CCM2: variants seen among roughly 807,000 people sequenced by gnomAD.
CCM2 encodes the protein cerebral cavernous malformations 2 protein.
In CCM2, 25 loss-of-function variants were observed where a neutral mutation model predicts 44.9. The observed-to-expected ratio is 0.56, with a 90% CI of 0.41 to 0.78. The LOEUF is 0.78. Ranked by LOEUF, CCM2 falls within the 30% of genes least tolerant of loss-of-function variation. CCM2 has a pLI of 0.00. For missense variants in CCM2, 481 were observed against 580.6 expected (o/e 0.83, Z 1.76); for synonymous variants, 219 against 241.1 (o/e 0.91, Z 0.85).
chr7:45,007,133 T>C (rs1795878225), intron 1 of CCM2, among the ~76,000 whole-genome samples: 1 of 152,194 alleles, frequency 6.6e-6, no homozygotes, highest in Non-Finnish European at 1.5e-5. Context: ...GACGAGCTGC[T>C]CAGAGTGACA....
At chr7:45,014,912 A>G (rs1796206575) in intron 1 of CCM2, among the ~76,000 whole-genome samples, 1 of 152,194 alleles carries the variant, frequency 6.6e-6, no homozygotes, top group Non-Finnish European at 1.5e-5. Context: ...GTGAGCCACC[A>G]TGCCCGGCCA....
chr7:45,040,955 A>C (rs978972751), intron 2 of CCM2, among the ~76,000 whole-genome samples: 1 of 152,220 alleles, frequency 6.6e-6, no homozygotes, highest in African/African-American at 2.4e-5. Flanking sequence ...GCACCCCTGC[A>C]CTCCAGCCTA....
intron 1 of CCM2, among the ~76,000 whole-genome samples, chr7:45,032,832 GGAGTTT>G (rs1489032813): frequency 6.6e-6 from 1 of 152,034 alleles, no homozygotes; most frequent in African/African-American, 2.4e-5. Flanking sequence ...CCTGAGGCTG[GGAGTTT>G]GAGACCAGCC....
rs143595633 is a variant in CCM2 at position 45,069,594 on chromosome 7, T to TG, written c.610-231dup. On this transcript the variant is annotated intron_variant, in intron 5 of 9. Coordinates refer to ENST00000258781, the MANE Select transcript of CCM2 (RefSeq NM_031443.4). ...GTGCCCTGCACAGTCCCCTCACACT[T>TG]GCAATACCACCCCTGGGCCACATGG... 9.5e-3 allele frequency among the ~76,000 whole-genome samples: 1,449 copies of TG among 152,322 alleles called. 21 individuals are homozygous for TG. Among genetic ancestry groups the TG allele is most frequent in the African/African-American group, 0.033 (1,355 of 41,576 alleles).
Position 45,008,356 on chromosome 7 carries a change from C to CT in CCM2, c.30+8020dup, listed in dbSNP as rs59435094. Among the ~76,000 whole-genome samples, 304 of 114,744 alleles carry CT rather than the reference C, an allele frequency of 2.6e-3. 8 individuals carry two copies. Among genetic ancestry groups the CT allele is most frequent in the African/African-American group, 5.3e-3 (131 of 24,662 alleles). The allele number at this position is 114,744 out of a possible 152,430, so 75.3% of individuals were successfully genotyped here. A position where few individuals can be genotyped will look rare whatever the true frequency, so the allele number is the denominator to read the frequency against. On this transcript the variant is annotated intron_variant, in intron 1 of 9. Coordinates refer to ENST00000258781, the MANE Select transcript of CCM2 (RefSeq NM_031443.4). ...CCGTGCCTGGCCAAGGGTACATGTTCTTTTTTTTTTTTTTTTTTTTTTTTT... is the reference window on the plus strand; with the variant it reads ...CCGTGCCTGGCCAAGGGTACATGTTCTTTTTTTTTTTTTTTTTTTTTTTTTT...
At chr7:45,058,529 G>A (rs955624473) in intron 2 of CCM2, among the ~76,000 whole-genome samples, 1 of 134,408 alleles carries the variant, frequency 7.4e-6, no homozygotes, top group Non-Finnish European at 1.5e-5. Flanking sequence ...TCCATGTGTT[G>A]TCATTGTTCA....
chr7:45,037,242 C>T (rs1235441143), intron 1 of CCM2, among the ~76,000 whole-genome samples: 1 of 150,630 alleles, frequency 6.6e-6, no homozygotes, highest in Non-Finnish European at 1.5e-5. Context: ...AGGTCTTTTC[C>T]TGGGTTCTGC....
chr7:45,055,992 A>G (rs1177431963), intron 2 of CCM2, among the ~76,000 whole-genome samples: 5 of 152,210 alleles, frequency 3.3e-5, no homozygotes, highest in African/African-American at 9.7e-5. Context: ...AGGTTCTTCC[A>G]TGTCGTAGCA....
intron 1 of CCM2, among the ~76,000 whole-genome samples, chr7:45,005,343 C>T (rs1161232128): frequency 2.0e-5 from 3 of 152,218 alleles, no homozygotes; most frequent in African/African-American, 7.2e-5. Context: ...AATTTAGATT[C>T]AGAAAGCACA....
At chr7:45,073,250 CAG>C (rs1369107479) in intron 7 of CCM2, 1 of 616,574 alleles carries the variant, frequency 1.6e-6, no homozygotes, top group Non-Finnish European at 2.9e-6. Flanking sequence ...GAGCCCAACT[CAG>C]AGCCATGCCC....
At chr7:45,008,858 C>T (rs992797917) in intron 1 of CCM2, among the ~76,000 whole-genome samples, 40 of 152,214 alleles carry the variant, frequency 2.6e-4, no homozygotes, top group Non-Finnish European at 5.0e-4. Flanking sequence ...CATAGCCCAC[C>T]TGCCTGTGCA....
At chr7:45,061,820 C>T (rs979594067) in intron 2 of CCM2, among the ~76,000 whole-genome samples, 4 of 152,174 alleles carry the variant, frequency 2.6e-5, no homozygotes, top group Non-Finnish European at 2.9e-5. Context: ...CTTCCCTCCT[C>T]CTACCAGAGT....
At chr7:45,012,595 G>A (rs1285757423) in intron 1 of CCM2, among the ~76,000 whole-genome samples, 1 of 151,766 alleles carries the variant, frequency 6.6e-6, no homozygotes, top group Non-Finnish European at 1.5e-5. Context: ...TCGCTCTGTC[G>A]CCGAGGCTGG....
At chr7:45,045,265 A>G (rs1167047212) in intron 2 of CCM2, among the ~76,000 whole-genome samples, 2 of 152,184 alleles carry the variant, frequency 1.3e-5, no homozygotes, top group African/African-American at 2.4e-5. Context: ...AGGCCCTGCT[A>G]TTGTGCATGG....
rs1191960131 is a variant in CCM2, at chr7:45,063,957, C to T, written c.244C>T (p.Pro82Ser). Residue 82 changes from proline to serine, a missense_variant, in exon 3 of 10, where the codon CCC becomes TCC. Transcript: ENST00000258781. ...QLTSIPGYLN[P>S]SSRTEILHFI... ...AACGTCCATACCAGGATACCTGAAT[C>T]CCTCCAGTAGGACTGAAATCCTGCA... is the stretch of plus-strand genomic sequence containing the variant. The T allele has an allele frequency of 1.2e-6, 2 of 1,613,144 alleles. No homozygotes were observed. The highest frequency in any genetic ancestry group is 1.3e-5 in the African/African-American group (1 of 74,864).
chr7:45,014,515 G>A (rs558880683), intron 1 of CCM2, among the ~76,000 whole-genome samples: 17 of 151,694 alleles, frequency 1.1e-4, no homozygotes, highest in East Asian at 1.9e-4. Flanking sequence ...TTTTGGCCAT[G>A]TTGCCCACGC....
At chr7:45,060,316 GT>G (rs1798462465) in intron 2 of CCM2, among the ~76,000 whole-genome samples, 1 of 152,156 alleles carries the variant, frequency 6.6e-6, no homozygotes, top group African/African-American at 2.4e-5. Flanking sequence ...TAGGTAGGAT[GT>G]TTTTTTCCTG....
At chr7:45,069,373 A>G (rs6947303) in intron 5 of CCM2, among the ~76,000 whole-genome samples, 30,981 of 152,170 alleles carry the variant, frequency 0.2, 3,137 homozygotes, top group Admixed American at 0.24. Flanking sequence ...GGGTACAAAA[A>G]TTGCCCCAGT....
chr7:45,013,761 T>C (rs1383367540), intron 1 of CCM2, among the ~76,000 whole-genome samples: 1 of 152,224 alleles, frequency 6.6e-6, no homozygotes, highest in Non-Finnish European at 1.5e-5. Context: ...TCCTAGTCTT[T>C]TCTTGTCTCT....
Sources: allele counts gnomAD v4.1 joint callset (sites outside exome capture counted in the v4.1 genomes callset), GRCh38; gene constraint gnomAD v4.1.1; transcripts MANE v1.5; gene names NCBI Gene and HGNC (gene_info 2026-07-23, HGNC 2026-07-21).